ZNF131: variants seen among roughly 807,000 people sequenced by gnomAD.
ZNF131 encodes zinc finger and BTB domain containing 35, also known as zinc finger protein 131.
In ZNF131, 7 loss-of-function variants were observed where a neutral mutation model predicts 60.0. The ratio of observed to expected loss-of-function variants is 0.12; its 90% CI spans 0.07 to 0.22. The LOEUF is 0.22. Ranked by LOEUF, ZNF131 falls within the 10% of genes least tolerant of loss-of-function variation. ZNF131 has a pLI of 1.00. For missense variants in ZNF131, 493 were observed against 740.9 expected (o/e 0.67, Z 3.88); for synonymous variants, 257 against 253.2 (o/e 1.01, Z -0.14).
chr5:43,145,525 G>C (rs1053233097), intron 4 of ZNF131, among the ~76,000 whole-genome samples: 1 of 151,980 alleles, frequency 6.6e-6, no homozygotes, highest in African/African-American at 2.4e-5. Flanking sequence ...ATGGTGGCAC[G>C]CCCCTGTAAT....
At chr5:43,123,332 T>G (rs1454585110) in intron 3 of ZNF131, 22 bp downstream of exon 3, 1 of 1,566,128 alleles carries the variant, frequency 6.4e-7, no homozygotes, top group African/African-American at 1.4e-5. Context: ...TTGTTGTTTT[T>G]TTATTTAATA....
intron 5 of ZNF131, among the ~76,000 whole-genome samples, chr5:43,162,817 A>G (rs895390497): frequency 2.8e-5 from 4 of 145,422 alleles, no homozygotes; most frequent in Non-Finnish European, 6.0e-5. Context: ...AGGCCGGAGA[A>G]TTGCTTGAAC....
chr5:43,124,762 T>C (rs754047785), intron 3 of ZNF131: 4 of 152,226 alleles, frequency 2.6e-5, no homozygotes, highest in Non-Finnish European at 5.9e-5. Flanking sequence ...TAAAGACTAA[T>C]TGCGATAACA....
In ZNF131 at chr5:43,121,055, C is replaced by T. The variant is rs1275964502; in HGVS notation, c.-84C>T. 5 of 152,176 alleles carry T rather than the reference C, an allele frequency of 3.3e-5. No individual in the cohort carries two copies. Among genetic ancestry groups the T allele is most frequent in the Admixed American group, 2.6e-4 (4 of 15,248 alleles). The allele number at this position is 152,176 out of a possible 1,614,324, so 9.4% of individuals were successfully genotyped here. A position where few individuals can be genotyped will look rare whatever the true frequency, so the allele number is the denominator to read the frequency against. On this transcript the variant is annotated 5_prime_UTR_variant, in exon 1 of 7. Transcript: ENST00000682664. Reference sequence around the variant, plus strand: ...GGAAAGGCGTGGGGCGCATTATGCCCTGGGAGGGGAAAGCACGGAACAAGA... The same window carrying T: ...GGAAAGGCGTGGGGCGCATTATGCCTTGGGAGGGGAAAGCACGGAACAAGA...
At chr5:43,149,567 C>G (rs1480424637) in intron 4 of ZNF131, among the ~76,000 whole-genome samples, 2 of 152,186 alleles carry the variant, frequency 1.3e-5, no homozygotes, top group African/African-American at 2.4e-5. Context: ...AGTAGAATAG[C>G]TGGCTTGTAT....
At chr5:43,127,284 G>A (rs549326159) in intron 3 of ZNF131, among the ~76,000 whole-genome samples, 1 of 152,276 alleles carries the variant, frequency 6.6e-6, no homozygotes, top group Admixed American at 6.5e-5. Flanking sequence ...TGCCCAGGTT[G>A]TATCTCCAGA....
chr5:43,170,870 TATG>T (rs1459545908), intron 5 of ZNF131, among the ~76,000 whole-genome samples: 2 of 150,766 alleles, frequency 1.3e-5, no homozygotes, highest in Non-Finnish European at 3.0e-5. Context: ...CTCCTGACCT[TATG>T]ATCCACCCGA....
chr5:43,151,104 C>T (rs1386957821), intron 4 of ZNF131, among the ~76,000 whole-genome samples: 1 of 151,974 alleles, frequency 6.6e-6, no homozygotes, highest in Non-Finnish European at 1.5e-5. Context: ...TCTACTAGGG[C>T]AAGTTTTTCA....
At chr5:43,166,408 T>A (rs1342346884) in intron 5 of ZNF131, among the ~76,000 whole-genome samples, 3 of 151,904 alleles carry the variant, frequency 2.0e-5, no homozygotes, top group African/African-American at 7.3e-5. Flanking sequence ...TCGCCCAGGC[T>A]GGAGTGCAGT....
chr5:43,121,152 G>A (rs1248362833), intron 1 of ZNF131, 29 bp downstream of exon 1: 1 of 153,018 alleles, frequency 6.5e-6, no homozygotes, highest in Non-Finnish European at 1.5e-5. Context: ...GGTCTCGGAA[G>A]GAAGGGGGCG....
In ZNF131 at chr5:43,150,993, G is replaced by A. The variant is rs374664243; in HGVS notation, c.372-10256G>A. On this transcript the variant is annotated intron_variant, in intron 4 of 6. Transcript: ENST00000682664. ...AGAAAAACAGGTGACTTTCTTTTTC[G>A]GTTTCTGTATTGACTTTTCCACTTA... is the stretch of plus-strand genomic sequence containing the variant. Among the ~76,000 whole-genome samples, 19 of 152,210 alleles carry A rather than the reference G, an allele frequency of 1.2e-4. No homozygotes were observed. In the South Asian group the frequency reaches 2.3e-3, roughly 18 times the overall value.
intron 4 of ZNF131, among the ~76,000 whole-genome samples, chr5:43,141,920 T>C (rs993434730): frequency 6.6e-6 from 1 of 152,206 alleles, no homozygotes; most frequent in Non-Finnish European, 1.5e-5. Context: ...AGTAGTATTA[T>C]ATGTTGGCTG....
At chr5:43,143,875 G>A (rs1579790099) in intron 4 of ZNF131, among the ~76,000 whole-genome samples, 1 of 130,732 alleles carries the variant, frequency 7.6e-6, no homozygotes, top group Middle Eastern at 5.3e-3. Context: ...TGGCCCTCTA[G>A]GTTCTCTGGA....
chr5:43,128,677 A>C (rs1054551947), intron 3 of ZNF131, among the ~76,000 whole-genome samples: 7 of 141,074 alleles, frequency 5.0e-5, no homozygotes, highest in South Asian at 2.3e-4. Flanking sequence ...AAAAAAAAAA[A>C]CACACCTGGG....
At chr5:43,165,158 C>T (rs964853779) in intron 5 of ZNF131, among the ~76,000 whole-genome samples, 4 of 150,834 alleles carry the variant, frequency 2.7e-5, no homozygotes, top group Admixed American at 6.6e-5. Flanking sequence ...ACCACGTTGC[C>T]TAGGCTTGGA....
intron 5 of ZNF131, among the ~76,000 whole-genome samples, chr5:43,167,111 C>A (rs1750465123): frequency 6.6e-6 from 1 of 152,192 alleles, no homozygotes; most frequent in South Asian, 2.1e-4. Flanking sequence ...AGGATGCATA[C>A]AACATTTATC....
chr5:43,142,304 T>A (rs994992280), intron 4 of ZNF131, among the ~76,000 whole-genome samples: 1 of 140,994 alleles, frequency 7.1e-6, no homozygotes, highest in Admixed American at 6.9e-5. Context: ...ATCATGCCAC[T>A]GCACTCCAGC....
chr5:43,166,372 T>C (rs1383743257), intron 5 of ZNF131, among the ~76,000 whole-genome samples: 2 of 152,062 alleles, frequency 1.3e-5, no homozygotes, highest in Non-Finnish European at 2.9e-5. Context: ...CTCTTTTTTT[T>C]TTTTTGGAGA....
rs1444165635 is a variant in ZNF131, at chr5:43,161,467, T to C, written c.590T>C (p.Val197Ala). 2.5e-6 allele frequency: 4 copies of C among 1,614,124 alleles called. No homozygotes were observed. The Admixed American group carries it at 6.7e-5, about 27-fold the overall frequency. The change falls in exon 5 of 7, where the codon GTA becomes GCA. Residue 197 changes from valine (V) to alanine (A), a missense_variant. Val to Ala is a moderately conservative substitution (Grantham distance 64). This residue lies in a region of ZNF131 where 138 missense variants were observed against 158.7 expected (regional missense o/e 0.87). Transcript: ENST00000682664. The part of the protein sequence containing the change: ...LEEVASAKQS[V>A]KYIQSTGSSD... ...GAAGTGGCTTCTGCCAAGCAGTCCGTAAAGTACATACAGAGCACAGGTTCC... is the reference window on the plus strand; with the variant it reads ...GAAGTGGCTTCTGCCAAGCAGTCCGCAAAGTACATACAGAGCACAGGTTCC...
Sources: gnomAD v4.1 joint callset for allele counts (sites outside exome capture counted in the v4.1 genomes callset) on GRCh38, gnomAD v4.1.1 for gene constraint, gnomAD v4.1.1 regional missense constraint, MANE v1.5 for transcripts, NCBI Gene and HGNC (gene_info 2026-07-23, HGNC 2026-07-21) for gene names.